Variants in RBMS3 observed in about 807,000 individuals in gnomAD.
RBMS3 encodes RNA-binding motif, single-stranded-interacting protein 3.
A neutral mutation model predicts 66.8 loss-of-function variants in RBMS3; 27 were observed. That is an observed-to-expected ratio of 0.40 (90% CI 0.30 to 0.56). RBMS3 has a LOEUF of 0.56. Among genes scored for constraint, RBMS3 ranks in the 20% least tolerant of loss-of-function variants. RBMS3 has a pLI of 0.40. For missense variants in RBMS3, 513 were observed against 549.5 expected (o/e 0.93, Z 0.66); for synonymous variants, 188 against 183.0 (o/e 1.03, Z -0.22).
chr3:29,850,285 A>G (rs1363766896), intron 6 of RBMS3, among the ~76,000 whole-genome samples: 1 of 152,192 alleles, frequency 6.6e-6, no homozygotes, highest in Non-Finnish European at 1.5e-5. Flanking sequence ...ATAACTTTTT[A>G]ATGCTTCTTA....
At chr3:29,733,451 C>G (rs1420217227) in intron 4 of RBMS3, among the ~76,000 whole-genome samples, 2 of 151,844 alleles carry the variant, frequency 1.3e-5, no homozygotes, top group Non-Finnish European at 2.9e-5. Context: ...TACTGTTTTC[C>G]ATAATGGCTA....
chr3:29,684,984 T>A (rs1357813100), intron 4 of RBMS3, among the ~76,000 whole-genome samples: 2 of 152,326 alleles, frequency 1.3e-5, no homozygotes, highest in Middle Eastern at 3.4e-3. Flanking sequence ...TATGTGTGTA[T>A]GTGTGTAAGT....
chr3:29,297,646 C>T (rs1428632762), intron 1 of RBMS3, among the ~76,000 whole-genome samples: 1 of 151,956 alleles, frequency 6.6e-6, no homozygotes, highest in East Asian at 2.0e-4. Flanking sequence ...TCAAAACTCA[C>T]CATATAGTCT....
chr3:29,460,117 C>T (rs1481240354), intron 2 of RBMS3, among the ~76,000 whole-genome samples: 1 of 152,156 alleles, frequency 6.6e-6, no homozygotes, highest in African/African-American at 2.4e-5. Context: ...GCAAATATAA[C>T]AAGGTAATTG....
At chr3:29,316,492 T>A (rs1175426810) in intron 1 of RBMS3, among the ~76,000 whole-genome samples, 1 of 151,674 alleles carries the variant, frequency 6.6e-6, no homozygotes, top group African/African-American at 2.4e-5. Context: ...GAGTGAACTT[T>A]CTTGTAAAGG....
At chr3:29,756,159 G>A (rs2055404786) in intron 5 of RBMS3, among the ~76,000 whole-genome samples, 1 of 152,034 alleles carries the variant, frequency 6.6e-6, no homozygotes, top group South Asian at 2.1e-4. Flanking sequence ...GGGTTTTTCT[G>A]ACATCAAATA....
intron 2 of RBMS3, among the ~76,000 whole-genome samples, chr3:29,454,267 AG>A (rs1281340800): frequency 6.6e-6 from 1 of 152,192 alleles, no homozygotes; most frequent in African/African-American, 2.4e-5. Context: ...AGTTGGGCAC[AG>A]CATATTTAGA....
chr3:29,845,482 CAT>C lies in RBMS3; in HGVS notation c.638-23373_638-23372del, dbSNP rs1283383994. Reference sequence around the variant, plus strand: ...TTGGTTAAACCCAATTAAATGCCTACATATGTGTGTTTTTATTATAACAGTGT... The same window carrying C: ...TTGGTTAAACCCAATTAAATGCCTACATGTGTGTTTTTATTATAACAGTGT... On this transcript the variant is annotated intron_variant, in intron 6 of 14. Transcript: ENST00000383767. Among the ~76,000 whole-genome samples, 6 of 152,252 alleles carry C rather than the reference CAT, an allele frequency of 3.9e-5. No individual in the cohort carries two copies. The East Asian group carries it at 1.2e-3, about 29-fold the overall frequency.
intron 5 of RBMS3, among the ~76,000 whole-genome samples, chr3:29,753,340 C>A (rs933844333): frequency 6.6e-6 from 1 of 152,170 alleles, no homozygotes; most frequent in African/African-American, 2.4e-5. Flanking sequence ...AATGTTTCCA[C>A]AATGCACCTC....
intron 3 of RBMS3, among the ~76,000 whole-genome samples, chr3:29,546,551 A>C (rs78604035): frequency 6.6e-6 from 1 of 152,216 alleles, no homozygotes; most frequent in African/African-American, 2.4e-5. Context: ...TGGTGTGCTT[A>C]CCTTAAAATA....
In RBMS3 at chr3:29,285,300, A is replaced by G. The variant is rs951707079; in HGVS notation, c.75+3544A>G. On this transcript the variant is annotated intron_variant, in intron 1 of 14. Coordinates refer to ENST00000383767, the MANE Select transcript of RBMS3 (RefSeq NM_001003793.3). The stretch of plus-strand genomic sequence containing the variant: ...GATGGGGGGTTCTTGAAAAAAAATT[A>G]GTCAAGCTAGGTAAGCTAAAAAGAA... Among the ~76,000 whole-genome samples, 17 of 151,746 alleles carry G rather than the reference A, an allele frequency of 1.1e-4. No homozygotes were observed. The East Asian group carries it at 2.7e-3, about 24-fold the overall frequency.
intron 12 of RBMS3, among the ~76,000 whole-genome samples, chr3:29,952,278 A>G (rs781282229): frequency 1.3e-5 from 2 of 151,898 alleles, no homozygotes; most frequent in Non-Finnish European, 2.9e-5. Context: ...GAGTGATTCT[A>G]TAACCTAAAT....
chr3:29,811,164 TTC>T (rs1330084686), intron 6 of RBMS3, among the ~76,000 whole-genome samples: 5 of 152,246 alleles, frequency 3.3e-5, no homozygotes, highest in Non-Finnish European at 7.4e-5. Context: ...GGGCATTTTT[TTC>T]TCTCTCAGGT....
At chr3:29,302,016 A>T (rs765888477) in intron 1 of RBMS3, among the ~76,000 whole-genome samples, 2 of 151,906 alleles carry the variant, frequency 1.3e-5, no homozygotes, top group African/African-American at 4.8e-5. Flanking sequence ...AATTTTTTTT[A>T]AAAAGTTTTT....
intron 4 of RBMS3, among the ~76,000 whole-genome samples, chr3:29,716,270 G>C (rs1457791872): frequency 6.6e-6 from 1 of 152,150 alleles, no homozygotes; most frequent in East Asian, 1.9e-4. Context: ...TAAGATATCT[G>C]GGCAAAGTAA....
At chr3:29,587,310 G>C in intron 4 of RBMS3, 105 bp downstream of exon 4, 31 of 577,916 alleles carry the variant, frequency 5.4e-5, no homozygotes, top group East Asian at 1.4e-4. Context: ...GAGGAAGGAA[G>C]AAGGAGAGAT....
intron 6 of RBMS3, among the ~76,000 whole-genome samples, chr3:29,811,674 A>C (rs1161199834): frequency 6.6e-6 from 1 of 152,202 alleles, no homozygotes; most frequent in Non-Finnish European, 1.5e-5. Flanking sequence ...TACATTGCTC[A>C]GATAATCAAA....
intron 2 of RBMS3, among the ~76,000 whole-genome samples, chr3:29,470,981 C>G (rs2042705359): frequency 6.6e-6 from 1 of 152,108 alleles, no homozygotes; most frequent in Non-Finnish European, 1.5e-5. Flanking sequence ...ATAAAATTTT[C>G]TAACAGTACT....
chr3:29,655,233 A>C (rs6770818), intron 4 of RBMS3, among the ~76,000 whole-genome samples: 10,572 of 152,232 alleles, frequency 0.069, 419 homozygotes, highest in Non-Finnish European at 0.079. Context: ...TGGCATTTGA[A>C]TCATGTGTGC....
Sources: allele counts gnomAD v4.1 joint callset (sites outside exome capture counted in the v4.1 genomes callset), GRCh38; gene constraint gnomAD v4.1.1; transcripts MANE v1.5; gene names NCBI Gene and HGNC (gene_info 2026-07-23, HGNC 2026-07-21).